The following ICA1 variants were observed in gnomAD, a reference collection of about 807,000 sequenced individuals.
The protein encoded by ICA1 is 69 kDa islet cell autoantigen.
A neutral mutation model predicts 71.0 loss-of-function variants in ICA1; 40 were observed. The ratio of observed to expected loss-of-function variants is 0.56; its 90% CI spans 0.44 to 0.73. The LOEUF (loss-of-function observed/expected upper bound fraction) is 0.73, where lower values mean the gene tolerates loss of function less well. Ranked by LOEUF, ICA1 falls within the 30% of genes least tolerant of loss-of-function variation. ICA1 has a pLI of 0.00. For missense variants in ICA1, 578 were observed against 576.5 expected, an observed-to-expected ratio of 1.00 and a Z score of -0.03; for synonymous variants, 207 against 209.5, an observed-to-expected ratio of 0.99 and a Z score of 0.10.
chr7:8,240,879 G>T (rs1218900235), intron 1 of ICA1, among the ~76,000 whole-genome samples: 2 of 152,292 alleles, frequency 1.3e-5, no homozygotes, highest in Middle Eastern at 3.4e-3. Flanking sequence ...AGAGTAAAAA[G>T]TAACTAGCAA....
At chr7:8,242,444 G>C (rs4620195) in intron 1 of ICA1, among the ~76,000 whole-genome samples, 1 of 151,890 alleles carries the variant, frequency 6.6e-6, no homozygotes, top group South Asian at 2.1e-4. Context: ...ATAGCACTAA[G>C]TGCCCACAAG....
At chr7:8,221,231 C>T in intron 5 of ICA1, 44 bp downstream of exon 5, 1 of 1,610,968 alleles carries the variant, frequency 6.2e-7, no homozygotes, top group Non-Finnish European at 8.5e-7. Context: ...GTCCCGGAGT[C>T]TCCTCAGATC....
intron 1 of ICA1, among the ~76,000 whole-genome samples, chr7:8,242,823 G>C (rs1804470322): frequency 6.6e-6 from 1 of 152,162 alleles, no homozygotes; most frequent in Admixed American, 6.5e-5. Flanking sequence ...AGAAGAAATG[G>C]ATGAATTCCT....
At chr7:8,142,442 C>T (rs1341494481) in intron 9 of ICA1, among the ~76,000 whole-genome samples, 13 of 152,220 alleles carry the variant, frequency 8.5e-5, no homozygotes, top group South Asian at 2.1e-4. Context: ...ACTTTGTGAG[C>T]TTTCAAAAAT....
Position 8,132,292 on chromosome 7 carries a change from T to C in ICA1, c.1061-4150A>G, listed in dbSNP as rs1292694211. Among the ~76,000 whole-genome samples, 1 of 152,146 alleles carries C rather than the reference T, an allele frequency of 6.6e-6. No homozygotes were observed. Among genetic ancestry groups the C allele is most frequent in the East Asian group, 1.9e-4 (1 of 5,200 alleles). On this transcript the variant is annotated intron_variant, in intron 12 of 13. Coordinates refer to ENST00000402384, the MANE Select transcript of ICA1 (RefSeq NM_001136020.3). The surrounding 1 kb of genome is among the most constrained non-coding windows in gnomAD (Gnocchi z 4.5). ...AGATCCAGCACCTTTAGTCTTTCATTTTCCAATGCTTCCTTCCCCTAGCCG... is the reference window on the plus strand; with the variant it reads ...AGATCCAGCACCTTTAGTCTTTCATCTTCCAATGCTTCCTTCCCCTAGCCG...
Position 8,226,996 on chromosome 7 carries a change from G to C in ICA1, c.256+1605C>G, listed in dbSNP as rs1211844491. On this transcript the variant is annotated intron_variant, in intron 4 of 13. Transcript: ENST00000402384. This position sits in a 1 kb window ranked among gnomAD's most constrained non-coding sequence, Gnocchi z 4.4. The stretch of plus-strand genomic sequence containing the variant: ...GCAAGCATCCTTCTTTTCTTCCCTT[G>C]TTACAATATATATTGTTTAATGAAA... 6.6e-6 allele frequency among the ~76,000 whole-genome samples: 1 copy of C among 152,086 alleles called. No homozygotes were observed. Among genetic ancestry groups the C allele is most frequent in the Non-Finnish European group, 1.5e-5 (1 of 68,020 alleles).
At position 8,141,251 on chromosome 7, in the gene ICA1, T is replaced by C. The variant is rs114819603; in HGVS notation, c.955+514A>G. On this transcript the variant is annotated intron_variant, in intron 10 of 13. Coordinates refer to ENST00000402384, the MANE Select transcript of ICA1 (RefSeq NM_001136020.3). ...CGCTCTGACCCCTTCTCCTAACACATCAGGTTCAGTTCACCTGAGGGATCA... is the reference window on the plus strand; with the variant it reads ...CGCTCTGACCCCTTCTCCTAACACACCAGGTTCAGTTCACCTGAGGGATCA... Among the ~76,000 whole-genome samples the C allele has an allele frequency of 4.4e-3, 674 of 152,264 alleles. 3 individuals are homozygous for C. Among genetic ancestry groups the C allele is most frequent in the African/African-American group, 0.015 (639 of 41,544 alleles).
chr7:8,197,574 A>AAATAAT (rs56773343), intron 6 of ICA1, among the ~76,000 whole-genome samples: 10,195 of 129,472 alleles, frequency 0.079, 431 homozygotes, highest in Non-Finnish European at 0.089. Flanking sequence ...AAGAAAGAAG[A>AAATAAT]AATAATAATA....
In ICA1 at chr7:8,226,673, C is replaced by T; in HGVS notation, c.256+1928G>A. ...TCCACACAGGGCAGAACTCCTCCTT[C>T]CTGTCTCTGCTGAGATGGCATGGCT... is the stretch of plus-strand genomic sequence containing the variant. On this transcript the variant is annotated intron_variant, in intron 4 of 13. Transcript: ENST00000402384. The surrounding 1 kb of genome is among the most constrained non-coding windows in gnomAD (Gnocchi z 4.4). Among the ~76,000 whole-genome samples the T allele has an allele frequency of 6.6e-6, 1 of 152,216 alleles. No individual in the cohort carries two copies. The highest frequency in any genetic ancestry group is 1.9e-4 in the East Asian group (1 of 5,194).
intron 1 of ICA1, among the ~76,000 whole-genome samples, chr7:8,258,309 A>G (rs1042867189): frequency 2.6e-5 from 4 of 152,176 alleles, no homozygotes; most frequent in Admixed American, 6.5e-5. Flanking sequence ...CTTGTTCAAT[A>G]CTAAGTCATC....
At chr7:8,193,392 T>G (rs1786368372) in intron 6 of ICA1, among the ~76,000 whole-genome samples, 1 of 152,166 alleles carries the variant, frequency 6.6e-6, no homozygotes, top group Admixed American at 6.6e-5. Flanking sequence ...TCTCCTAAAG[T>G]GCAAAACCTG....
intron 6 of ICA1, among the ~76,000 whole-genome samples, chr7:8,204,069 A>AC (rs145472240): frequency 9.1e-5 from 8 of 88,098 alleles, no homozygotes; most frequent in African/African-American, 6.9e-4. Flanking sequence ...GGTGAGAAGG[A>AC]AAAAAAAAAG....
At chr7:8,225,667 C>G (rs142734073) in intron 4 of ICA1, among the ~76,000 whole-genome samples, 1 of 152,180 alleles carries the variant, frequency 6.6e-6, no homozygotes, top group Non-Finnish European at 1.5e-5. Context: ...TGCATACACC[C>G]TCATCTGCAT....
Position 8,236,006 on chromosome 7 carries a change from C to T in ICA1, c.-79-1G>A. On this transcript the variant is annotated splice_acceptor_variant, in intron 1 of 13. Coordinates refer to ENST00000402384, the MANE Select transcript of ICA1 (RefSeq NM_001136020.3). LOFTEE classifies it low-confidence loss of function (5UTR_SPLICE). ...ATGAGAGGATAAGTTATATTATAAC[C>T]TGAAATAAAACAAATATGTTTAATA... The T allele has an allele frequency of 7.1e-7, 1 of 1,417,954 alleles. No homozygotes were observed. The highest frequency in any genetic ancestry group is 9.9e-7 in the Non-Finnish European group (1 of 1,011,754). 87.8% of individuals were successfully genotyped at this position (1,417,954 alleles called of 1,614,324 possible).
intron 6 of ICA1, among the ~76,000 whole-genome samples, chr7:8,192,539 C>A (rs1786041046): frequency 6.6e-6 from 1 of 152,116 alleles, no homozygotes; most frequent in Non-Finnish European, 1.5e-5. Context: ...CTATTTCACC[C>A]ATTGTAAATA....
intron 7 of ICA1, 119 bp from the exon 8 acceptor site, chr7:8,157,333 T>G: frequency 1.0e-6 from 1 of 993,942 alleles, no homozygotes; most frequent in Non-Finnish European, 1.4e-6. Flanking sequence ...TCTAACTCAT[T>G]TCCATGCTTC....
At chr7:8,245,231 T>TA (rs940343782) in intron 1 of ICA1, among the ~76,000 whole-genome samples, 90 of 151,876 alleles carry the variant, frequency 5.9e-4, no homozygotes, top group African/African-American at 2.1e-3. Context: ...TATGCAGCCA[T>TA]AAAAAAGGAT....
At chr7:8,148,900 G>A (rs775909413) in intron 8 of ICA1, among the ~76,000 whole-genome samples, 1 of 152,192 alleles carries the variant, frequency 6.6e-6, no homozygotes, top group Non-Finnish European at 1.5e-5. Flanking sequence ...GTTCCTGGGT[G>A]TGACTGTCAG....
chr7:8,138,312 C>T (rs1794091063), intron 12 of ICA1, among the ~76,000 whole-genome samples: 1 of 152,174 alleles, frequency 6.6e-6, no homozygotes, highest in Admixed American at 6.5e-5. Flanking sequence ...TACAGTAAAT[C>T]ACCCACAAAA....
Sources: gnomAD v4.1 joint callset for allele counts (sites outside exome capture counted in the v4.1 genomes callset) on GRCh38, gnomAD v4.1.1 for gene constraint, Gnocchi (gnomAD v3.1) non-coding constraint, MANE v1.5 for transcripts, NCBI Gene and HGNC (gene_info 2026-07-23, HGNC 2026-07-21) for gene names.